The following ANO2 variants were observed in gnomAD, a reference collection of about 807,000 sequenced individuals.
ANO2 encodes anoctamin-2.
Under a neutral mutation model 124.2 loss-of-function variants are expected in ANO2, and 101 were observed. The observed-to-expected ratio is 0.81, with a 90% confidence interval of 0.69 to 0.96. The LOEUF is 0.96. Ranked by LOEUF, ANO2 falls within the 40% of genes least tolerant of loss-of-function variation. The pLI is 0.00. For missense variants in ANO2, 1,293 were observed against 1,274.5 expected, an observed-to-expected ratio of 1.01 and a Z score of -0.22; for synonymous variants, 486 against 482.5, an observed-to-expected ratio of 1.01 and a Z score of -0.09.
intron 3 of ANO2, among the ~76,000 whole-genome samples, chr12:5,867,787 A>AC (rs1555175818): frequency 6.6e-6 from 1 of 150,862 alleles, no homozygotes; most frequent in Non-Finnish European, 1.5e-5. Flanking sequence ...TGAAAAAAAA[A>AC]AAAAAAAAAA....
At chr12:5,840,747 G>T (rs1385097000) in intron 4 of ANO2, among the ~76,000 whole-genome samples, 2 of 152,212 alleles carry the variant, frequency 1.3e-5, no homozygotes, top group Non-Finnish European at 2.9e-5. Context: ...GTGTGCTGCA[G>T]CTGGGAGCAC....
intron 3 of ANO2, among the ~76,000 whole-genome samples, chr12:5,854,475 C>A (rs965112421): frequency 6.7e-6 from 1 of 149,252 alleles, no homozygotes; most frequent in Non-Finnish European, 1.5e-5. Flanking sequence ...ATGATTTTCA[C>A]GGAAATCTCA....
At chr12:5,732,657 G>C (rs368811441) in intron 13 of ANO2, 27 bp from the exon 14 acceptor site, 1 of 1,597,598 alleles carries the variant, frequency 6.3e-7, no homozygotes, top group Non-Finnish European at 8.6e-7. Context: ...TGAGTGGTTA[G>C]TAAACAAAAG....
Position 5,563,374 on chromosome 12 carries a change from T to C in ANO2, c.2922A>G (p.Ala974=). 1 of 1,605,580 alleles carries C rather than the reference T, an allele frequency of 6.2e-7. No homozygotes were observed. Among genetic ancestry groups the C allele is most frequent in the Non-Finnish European group, 8.5e-7 (1 of 1,176,772 alleles). The change falls in exon 25 of 25, where the codon GCA becomes GCG. Residue 974 remains alanine (A), a synonymous_variant. Transcript: ENST00000682330. ...PGGGDRSRSR[A]ASSAPSGQSQ... ...TTTGGCCTGAAGGTGCTGAGCTGGC[T>C]GCCCGGCTCCTGCTTCGATCCCCAC...
At chr12:5,578,568 G>A (rs751639883) in intron 20 of ANO2, 50 bp from the exon 21 acceptor site, 3 of 1,572,908 alleles carry the variant, frequency 1.9e-6, no homozygotes, top group South Asian at 2.3e-5. Flanking sequence ...GCAGGACTCA[G>A]GTCCCTTCTG....
At chr12:5,642,254 C>G (rs1216398626) in intron 15 of ANO2, among the ~76,000 whole-genome samples, 1 of 152,142 alleles carries the variant, frequency 6.6e-6, no homozygotes, top group Non-Finnish European at 1.5e-5. Context: ...TTTTCTCTAT[C>G]TACTCTCATT....
intron 4 of ANO2, among the ~76,000 whole-genome samples, chr12:5,849,425 A>G (rs542328818): frequency 6.6e-6 from 1 of 152,368 alleles, no homozygotes; most frequent in Non-Finnish European, 1.5e-5. Flanking sequence ...CACGATCTCT[A>G]GAAGAGCCAT....
At chr12:5,694,245 C>CAGAGAGAGAG (rs1225218630) in intron 14 of ANO2, among the ~76,000 whole-genome samples, 3 of 50,178 alleles carry the variant, frequency 6.0e-5, no homozygotes, top group African/African-American at 1.4e-4. Flanking sequence ...AAGGGTTTAC[C>CAGAGAGAGAG]AGAGACAGAG....
At chr12:5,639,172 G>T (rs1946201827) in intron 15 of ANO2, among the ~76,000 whole-genome samples, 1 of 152,196 alleles carries the variant, frequency 6.6e-6, no homozygotes, top group South Asian at 2.1e-4. Flanking sequence ...GGGAAGAGGG[G>T]CAAGTAGCAA....
chr12:5,887,104 AACC>A (rs1938973009), intron 3 of ANO2, among the ~76,000 whole-genome samples: 2 of 152,248 alleles, frequency 1.3e-5, no homozygotes, highest in Non-Finnish European at 2.9e-5. Context: ...ATGTACATTT[AACC>A]ACAATAAAAG....
At chr12:5,744,902 C>T (rs1442205084) in intron 11 of ANO2, among the ~76,000 whole-genome samples, 1 of 152,036 alleles carries the variant, frequency 6.6e-6, no homozygotes, top group Non-Finnish European at 1.5e-5. Context: ...GCTGGAGAGC[C>T]ACTTGTAGAA....
At chr12:5,564,217 A>C (rs1206951010) in intron 24 of ANO2, among the ~76,000 whole-genome samples, 1 of 152,260 alleles carries the variant, frequency 6.6e-6, no homozygotes, top group Non-Finnish European at 1.5e-5. Flanking sequence ...GCTTGCCCCG[A>C]TTGGGTCTAG....
At chr12:5,928,353 G>C (rs1179049131) in intron 1 of ANO2, among the ~76,000 whole-genome samples, 1 of 152,178 alleles carries the variant, frequency 6.6e-6, no homozygotes, top group Non-Finnish European at 1.5e-5. Context: ...TGCCCTGTGG[G>C]AGACAGAGCA....
At chr12:5,705,162 A>G (rs912639398) in intron 14 of ANO2, among the ~76,000 whole-genome samples, 8 of 152,346 alleles carry the variant, frequency 5.3e-5, no homozygotes, top group Middle Eastern at 6.8e-3. Flanking sequence ...AGATTCCATG[A>G]TAACATTGTC....
chr12:5,588,589 T>C (rs980051172), intron 20 of ANO2, among the ~76,000 whole-genome samples: 1 of 152,196 alleles, frequency 6.6e-6, no homozygotes. Flanking sequence ...GCTGGTCTCA[T>C]GGTCTGAAAC....
chr12:5,876,067 G>A lies in ANO2; in HGVS notation c.535-21926C>T, dbSNP rs538831761. On this transcript the variant is annotated intron_variant, in intron 3 of 24. Coordinates refer to ENST00000682330, the MANE Select transcript of ANO2 (RefSeq NM_001364791.2). Reference sequence around the variant, plus strand: ...AGACTTAGTCGCTGTGGTGCCAAGGGGCAGGGCCAGCCCAGCTGAGGAGGA... The same window carrying A: ...AGACTTAGTCGCTGTGGTGCCAAGGAGCAGGGCCAGCCCAGCTGAGGAGGA... 2.0e-5 allele frequency among the ~76,000 whole-genome samples: 3 copies of A among 152,296 alleles called. No individual in the cohort carries two copies. The South Asian group carries it at 6.2e-4, about 32-fold the overall frequency.
At chr12:5,643,571 G>C (rs1946491008) in intron 15 of ANO2, among the ~76,000 whole-genome samples, 1 of 152,148 alleles carries the variant, frequency 6.6e-6, no homozygotes, top group African/African-American at 2.4e-5. Flanking sequence ...ATATCCAGGA[G>C]TAGAATTTCT....
At chr12:5,615,333 G>T in intron 16 of ANO2, 36 bp from the exon 17 acceptor site, 1 of 1,528,292 alleles carries the variant, frequency 6.5e-7, no homozygotes, top group Non-Finnish European at 9.0e-7. Flanking sequence ...AGATTGGGGT[G>T]AGATTTCTCA....
intron 14 of ANO2, among the ~76,000 whole-genome samples, chr12:5,678,908 T>G (rs714327): frequency 0.5 from 76,400 of 152,072 alleles, 21,170 homozygotes; most frequent in Middle Eastern, 0.62. Flanking sequence ...ACATTTGAAC[T>G]GGTCAACTGT....
Sources: allele counts gnomAD v4.1 joint callset (sites outside exome capture counted in the v4.1 genomes callset), GRCh38; gene constraint gnomAD v4.1.1; transcripts MANE v1.5; gene names NCBI Gene and HGNC (gene_info 2026-07-23, HGNC 2026-07-21).